The following SP140 variants were observed in gnomAD, a reference collection of about 807,000 sequenced individuals.
The protein encoded by SP140 is SP140 nuclear body protein, also known as nuclear body protein SP140.
In SP140, 81 loss-of-function variants were observed where a neutral mutation model predicts 125.0. The ratio of observed to expected loss-of-function variants is 0.65; its 90% CI spans 0.54 to 0.78. SP140 has a LOEUF of 0.78. Among genes scored for constraint, SP140 ranks in the 30% least tolerant of loss-of-function variants. The pLI, the probability that SP140 is intolerant of heterozygous loss-of-function variation, is 0.00. For missense variants in SP140, 858 were observed against 1,037.0 expected, an observed-to-expected ratio of 0.83 and a Z score of 2.37; for synonymous variants, 312 against 354.0, an observed-to-expected ratio of 0.88 and a Z score of 1.33.
At chr2:230,294,244 A>G in intron 20 of SP140, 27 bp from the exon 21 acceptor site, 2 of 1,605,396 alleles carry the variant, frequency 1.2e-6, no homozygotes, top group Admixed American at 1.7e-5. Context: ...CAGGCTGACC[A>G]TATACCTGAA....
chr2:230,296,433 A>AT (rs1319345497), intron 21 of SP140, among the ~76,000 whole-genome samples: 1 of 152,194 alleles, frequency 6.6e-6, no homozygotes, highest in Non-Finnish European at 1.5e-5. Context: ...CTTGTATCCC[A>AT]GAAGGGAAGG....
chr2:230,215,208 A>G (rs1242834025), intron 3 of SP140: 3 of 1,026,382 alleles, frequency 2.9e-6, no homozygotes, highest in Non-Finnish European at 4.5e-6. Flanking sequence ...TAAGAAAGCT[A>G]CCTTACTCTT....
chr2:230,305,726 G>A (rs966378910), intron 22 of SP140, among the ~76,000 whole-genome samples: 4 of 152,234 alleles, frequency 2.6e-5, no homozygotes, highest in African/African-American at 9.6e-5. Context: ...TGGGAAGTGG[G>A]AGTGGCGCCC....
intron 22 of SP140, among the ~76,000 whole-genome samples, chr2:230,304,969 A>G (rs1168040335): frequency 6.6e-6 from 1 of 152,162 alleles, no homozygotes; most frequent in African/African-American, 2.4e-5. Context: ...TAAACAGACA[A>G]CCCACAGAGT....
At chr2:230,274,598 GAATTATGAGACCACA>G (rs1400792471) in intron 15 of SP140, among the ~76,000 whole-genome samples, 1 of 151,906 alleles carries the variant, frequency 6.6e-6, no homozygotes, top group East Asian at 1.9e-4. Flanking sequence ...CCAACCCTCA[GAATTATGAGACCACA>G]AATCTGTGAT....
the SP140 span, among the ~76,000 whole-genome samples, chr2:230,191,460 G>C: frequency 6.6e-6 from 1 of 152,116 alleles, no homozygotes; most frequent in Non-Finnish European, 1.5e-5. Context: ...TATCATCACT[G>C]ATCCCACAGA....
chr2:230,192,245 C>T, the SP140 span, among the ~76,000 whole-genome samples: 1 of 152,218 alleles, frequency 6.6e-6, no homozygotes, highest in Non-Finnish European at 1.5e-5. Flanking sequence ...TGCCCTCTCT[C>T]ACCATTCCTA....
At chr2:230,295,953 T>G (rs1215501253) in intron 21 of SP140, among the ~76,000 whole-genome samples, 1 of 152,152 alleles carries the variant, frequency 6.6e-6, no homozygotes, top group Non-Finnish European at 1.5e-5. Flanking sequence ...CAAAAATTAT[T>G]TCAGGCCAAA....
chr2:230,285,542 G>A (rs987984999), intron 16 of SP140, among the ~76,000 whole-genome samples: 4 of 152,180 alleles, frequency 2.6e-5, no homozygotes, highest in African/African-American at 9.7e-5. Flanking sequence ...AAGTCTGTGT[G>A]TATGTAGACA....
chr2:230,245,748 G>T (rs2049347266), intron 6 of SP140, 115 bp from the exon 7 acceptor site: 1 of 671,096 alleles, frequency 1.5e-6, no homozygotes, highest in East Asian at 2.6e-5. Flanking sequence ...TTGGTGCAAA[G>T]ATACCTTTAT....
chr2:230,283,263 G>T (rs1231635404), intron 15 of SP140, among the ~76,000 whole-genome samples: 1 of 152,198 alleles, frequency 6.6e-6, no homozygotes, highest in East Asian at 1.9e-4. Context: ...CTCTTTAGAT[G>T]TCTGGATTTT....
chr2:230,298,133 T>C (rs1225450800), intron 22 of SP140, among the ~76,000 whole-genome samples: 3 of 152,224 alleles, frequency 2.0e-5, no homozygotes, highest in South Asian at 2.1e-4. Context: ...CTCAGTACTA[T>C]GCAAACTTTC....
chr2:230,248,818 C>A, intron 8 of SP140, 67 bp from the exon 9 acceptor site: 1 of 1,306,344 alleles, frequency 7.7e-7, no homozygotes, highest in African/African-American at 1.5e-5. Flanking sequence ...TCTTGGATGG[C>A]ATGAACACAC....
At chr2:230,209,807 C>T (rs569098109) in intron 1 of SP140, 30 of 733,388 alleles carry the variant, frequency 4.1e-5, no homozygotes, top group African/African-American at 2.1e-4. Flanking sequence ...ACTGCAGAAA[C>T]GAACTGTGTG....
upstream of SP140, among the ~76,000 whole-genome samples, chr2:230,223,743 C>T (rs2046005844): frequency 6.6e-6 from 1 of 152,226 alleles, no homozygotes; most frequent in African/African-American, 2.4e-5. Flanking sequence ...AATTAAATTA[C>T]AGCACTGGAT....
At chr2:230,255,391 C>T in intron 11 of SP140, 61 bp from the exon 12 acceptor site, 7 of 1,587,608 alleles carry the variant, frequency 4.4e-6, no homozygotes, top group Non-Finnish European at 6.1e-6. Flanking sequence ...TAAGTTTTCT[C>T]TTCATGATTT....
rs1182251830 is a variant in SP140, at chr2:230,297,370, T to C, written c.2017-51T>C. 4.4e-6 allele frequency: 7 copies of C among 1,579,216 alleles called. No homozygotes were observed. The South Asian group carries it at 4.5e-5, about 10-fold the overall frequency. ...TATTTAAATTTAAATAAGTGATAGA[T>C]GGAAACAATGCATTCAATATCATAA... is the stretch of plus-strand genomic sequence containing the variant. On this transcript the variant is annotated intron_variant, in intron 21 of 26. Transcript: ENST00000392045.
At chr2:230,233,826 G>C (rs1454529268) in intron 1 of SP140, among the ~76,000 whole-genome samples, 1 of 152,198 alleles carries the variant, frequency 6.6e-6, no homozygotes, top group Non-Finnish European at 1.5e-5. Flanking sequence ...TCAATCCGTT[G>C]TGACATCACA....
intron 23 of SP140, 55 bp downstream of exon 23, chr2:230,310,094 C>A: frequency 6.5e-7 from 1 of 1,540,270 alleles, no homozygotes; most frequent in Middle Eastern, 1.7e-4. Context: ...TTCCACCTGC[C>A]ATGCGCACTC....
Sources: allele counts gnomAD v4.1 joint callset (sites outside exome capture counted in the v4.1 genomes callset), GRCh38; gene constraint gnomAD v4.1.1; transcripts MANE v1.5; gene names NCBI Gene and HGNC (gene_info 2026-07-23, HGNC 2026-07-21).